The following SLC25A21 variants were observed in gnomAD, a reference collection of about 807,000 sequenced individuals.
The protein encoded by SLC25A21 is mitochondrial 2-oxodicarboxylate carrier.
In SLC25A21, 47 loss-of-function variants were observed where a neutral mutation model predicts 43.8. The observed-to-expected ratio is 1.07, with a 90% CI of 0.85 to 1.37. The LOEUF (loss-of-function observed/expected upper bound fraction) is 1.37. Ranked by LOEUF, SLC25A21 falls within the 40% of genes most tolerant of loss-of-function variation. The pLI is 0.00. For missense variants in SLC25A21, 352 were observed against 350.2 expected, an observed-to-expected ratio of 1.00 and a Z score of -0.04; for synonymous variants, 131 against 121.3, an observed-to-expected ratio of 1.08 and a Z score of -0.52.
At chr14:37,033,905 G>A (rs564111529) in intron 1 of SLC25A21, among the ~76,000 whole-genome samples, 1 of 152,232 alleles carries the variant, frequency 6.6e-6, no homozygotes, top group South Asian at 2.1e-4. Flanking sequence ...TTTGGTAATG[G>A]ATTTGATAAA....
At chr14:36,703,660 A>C (rs1235510622) in intron 7 of SLC25A21, among the ~76,000 whole-genome samples, 1 of 152,364 alleles carries the variant, frequency 6.6e-6, no homozygotes, top group East Asian at 1.9e-4. Context: ...CATTAGCTTT[A>C]GACAGCTGTT....
At chr14:36,852,762 A>C (rs1889781634) in intron 2 of SLC25A21, among the ~76,000 whole-genome samples, 1 of 152,118 alleles carries the variant, frequency 6.6e-6, no homozygotes, top group Non-Finnish European at 1.5e-5. Flanking sequence ...ATTTTGGTCA[A>C]GAAAAGTGTT....
chr14:36,687,017 T>A (rs191112188), intron 7 of SLC25A21, among the ~76,000 whole-genome samples: 24 of 152,318 alleles, frequency 1.6e-4, no homozygotes, highest in African/African-American at 4.3e-4. Flanking sequence ...AGTGGCAGGA[T>A]CTTGGCTCAC....
At chr14:36,879,239 A>G (rs1445596188) in intron 1 of SLC25A21, among the ~76,000 whole-genome samples, 2 of 152,220 alleles carry the variant, frequency 1.3e-5, no homozygotes, top group African/African-American at 4.8e-5. Context: ...AGAAAAACAT[A>G]AAACACATAT....
intron 1 of SLC25A21, among the ~76,000 whole-genome samples, chr14:36,980,332 G>C (rs1180766291): frequency 2.0e-5 from 3 of 152,196 alleles, no homozygotes; most frequent in Non-Finnish European, 4.4e-5. Context: ...ATAATATCCT[G>C]AAGAGTGTTT....
intron 1 of SLC25A21, among the ~76,000 whole-genome samples, chr14:36,959,761 T>C (rs1959442645): frequency 6.6e-6 from 1 of 152,224 alleles, no homozygotes; most frequent in African/African-American, 2.4e-5. Flanking sequence ...GCTGTTCCCA[T>C]GCTTTTTTGT....
chr14:36,877,626 C>A (rs1169464), intron 1 of SLC25A21, among the ~76,000 whole-genome samples: 55,865 of 151,788 alleles, frequency 0.37, 10,556 homozygotes, highest in East Asian at 0.43. Flanking sequence ...ATGGGAGCAC[C>A]TCAGAGAGAG....
chr14:37,095,850 C>T (rs1344067302), intron 1 of SLC25A21, among the ~76,000 whole-genome samples: 1 of 150,060 alleles, frequency 6.7e-6, no homozygotes, highest in Non-Finnish European at 1.5e-5. Context: ...ACACAAAAAA[C>T]ACCTTGACCA....
chr14:36,772,103 C>A (rs1458929544), intron 3 of SLC25A21, among the ~76,000 whole-genome samples: 1 of 152,144 alleles, frequency 6.6e-6, no homozygotes, highest in Admixed American at 6.5e-5. Context: ...CACAGCTGGG[C>A]CACAGAGCAC....
chr14:37,086,678 T>G (rs1001739601), intron 1 of SLC25A21, among the ~76,000 whole-genome samples: 4 of 152,128 alleles, frequency 2.6e-5, no homozygotes, highest in Non-Finnish European at 2.9e-5. Context: ...TTTATTGCCT[T>G]TACAATGCGG....
intron 3 of SLC25A21, among the ~76,000 whole-genome samples, chr14:36,745,793 T>G (rs572417273): frequency 1.3e-5 from 2 of 152,254 alleles, no homozygotes; most frequent in South Asian, 4.2e-4. Context: ...ATTCTGTAAG[T>G]TGCACGAATA....
intron 2 of SLC25A21, among the ~76,000 whole-genome samples, chr14:36,837,418 G>C (rs1248801650): frequency 6.6e-6 from 1 of 152,040 alleles, no homozygotes; most frequent in Non-Finnish European, 1.5e-5. Context: ...CAAGCAGAGG[G>C]GATTCCAAGA....
chr14:36,702,820 A>T (rs1281017116), intron 7 of SLC25A21, among the ~76,000 whole-genome samples: 1 of 152,122 alleles, frequency 6.6e-6, no homozygotes, highest in Non-Finnish European at 1.5e-5. Context: ...AGCTACTTGC[A>T]CCTCATTTCC....
At chr14:37,025,657 TAAAA>T (rs1445104557) in intron 1 of SLC25A21, among the ~76,000 whole-genome samples, 1 of 152,136 alleles carries the variant, frequency 6.6e-6, no homozygotes, top group African/African-American at 2.4e-5. Flanking sequence ...TCCTTCAAAT[TAAAA>T]GAGTTCTTTT....
At position 37,170,763 on chromosome 14, in the gene SLC25A21, C is replaced by CA. The variant is rs1056356393; in HGVS notation, c.70+1517dup. On this transcript the variant is annotated intron_variant, in intron 1 of 9. Transcript: ENST00000331299. ...ACAACATGGTGAAACCCTGACTCTA[C>CA]AAAAAAAAAAATCCCCTTCCCCCAC... Among the ~76,000 whole-genome samples the CA allele has an allele frequency of 9.9e-3, 1,398 of 140,640 alleles. 10 individuals are homozygous for CA. Among genetic ancestry groups the CA allele is most frequent in the Admixed American group, 0.013 (187 of 13,974 alleles). The allele number at this position is 140,640 out of a possible 152,430, so 92.3% of individuals were successfully genotyped here.
chr14:36,830,400 C>T (rs111252406), intron 2 of SLC25A21, among the ~76,000 whole-genome samples: 18 of 152,132 alleles, frequency 1.2e-4, no homozygotes, highest in Non-Finnish European at 1.9e-4. Context: ...ATTGTCTAAC[C>T]TAAGGTGTAA....
intron 3 of SLC25A21, among the ~76,000 whole-genome samples, chr14:36,803,747 T>C (rs1435330734): frequency 6.6e-6 from 1 of 152,190 alleles, no homozygotes; most frequent in Non-Finnish European, 1.5e-5. Context: ...TAGGTGACTA[T>C]ATCTTTACAT....
intron 1 of SLC25A21, among the ~76,000 whole-genome samples, chr14:37,167,528 T>C (rs1964049800): frequency 2.0e-5 from 3 of 151,890 alleles, no homozygotes; most frequent in African/African-American, 7.3e-5. Context: ...AAAACAAAGA[T>C]GGTAACAGCC....
chr14:37,161,963 A>AT (rs1555350826), intron 1 of SLC25A21, among the ~76,000 whole-genome samples: 1 of 3,954 alleles, frequency 2.5e-4, no homozygotes, highest in Non-Finnish European at 1.3e-3. Context: ...ACTCCGTCTC[A>AT]AAAAAAAAAA....
Sources: gnomAD v4.1 joint callset for allele counts (sites outside exome capture counted in the v4.1 genomes callset) on GRCh38, gnomAD v4.1.1 for gene constraint, MANE v1.5 for transcripts, NCBI Gene and HGNC (gene_info 2026-07-23, HGNC 2026-07-21) for gene names.